G3BP1: variants seen among roughly 807,000 people sequenced by gnomAD.
The protein encoded by G3BP1 is G3BP stress granule assembly factor 1, also known as ras GTPase-activating protein-binding protein 1.
A neutral mutation model predicts 58.6 loss-of-function variants in G3BP1; 35 were observed. The ratio of observed to expected loss-of-function variants is 0.60; its 90% confidence interval spans 0.46 to 0.79. G3BP1 has a LOEUF of 0.79. G3BP1 is among the 30% of genes least tolerant of loss of function. The pLI, the probability that G3BP1 is intolerant of heterozygous loss-of-function variation, is 0.00. For missense variants in G3BP1, 523 were observed against 580.8 expected (o/e 0.90, Z 1.02); for synonymous variants, 191 against 195.4 (o/e 0.98, Z 0.19).
intron 1 of G3BP1, among the ~76,000 whole-genome samples, chr5:151,785,462 TTTTC>T (rs1345184306): frequency 5.9e-5 from 9 of 152,202 alleles, no homozygotes; most frequent in Non-Finnish European, 8.8e-5. Context: ...CAGCTAAAAT[TTTTC>T]TTTCTTTTCT....
At chr5:151,774,757 G>C (rs1762338987) in intron 1 of G3BP1, among the ~76,000 whole-genome samples, 1 of 150,750 alleles carries the variant, frequency 6.6e-6, no homozygotes, top group African/African-American at 2.4e-5. Flanking sequence ...CCAGTAATTT[G>C]TCAAAAGCAA....
At chr5:151,801,924 C>T (rs1241285333) in intron 11 of G3BP1, among the ~76,000 whole-genome samples, 3 of 151,890 alleles carry the variant, frequency 2.0e-5, no homozygotes, top group African/African-American at 7.3e-5. Flanking sequence ...AAGCAGTTCT[C>T]CTGCCTCAAC....
intron 1 of G3BP1, among the ~76,000 whole-genome samples, chr5:151,774,446 G>T (rs1316381713): frequency 6.6e-6 from 1 of 151,824 alleles, no homozygotes; most frequent in Non-Finnish European, 1.5e-5. Context: ...TCGTCCTTAG[G>T]ACTGATGGGG....
Position 151,806,534 on chromosome 5 carries a change from A to G in G3BP1, c.*2443A>G, listed in dbSNP as rs1466126528. The G allele has an allele frequency of 1.3e-5, 2 of 152,324 alleles. No individual in the cohort carries two copies. Among genetic ancestry groups the G allele is most frequent in the East Asian group, 3.9e-4 (2 of 5,176 alleles). 9.4% of individuals were successfully genotyped at this position (152,324 alleles called of 1,614,324 possible). ...ATTGGACCTAAGAAATAGGATTAGC[A>G]TCATGATCAGAACTGTTGAGAATCC... On this transcript the variant is annotated 3_prime_UTR_variant, in exon 12 of 12. Transcript: ENST00000356245.
chr5:151,796,412 G>A (rs1433008363), intron 6 of G3BP1, among the ~76,000 whole-genome samples: 2 of 152,148 alleles, frequency 1.3e-5, no homozygotes, highest in East Asian at 3.9e-4. Flanking sequence ...GGGACTACAG[G>A]CGCACGCCAC....
chr5:151,784,807 T>C (rs991935093), intron 1 of G3BP1, among the ~76,000 whole-genome samples: 23 of 152,176 alleles, frequency 1.5e-4, no homozygotes, highest in Non-Finnish European at 1.5e-5. Context: ...CAATAGATAA[T>C]ATATTTATTT....
chr5:151,784,160 A>G (rs913627925), intron 1 of G3BP1, among the ~76,000 whole-genome samples: 3 of 152,156 alleles, frequency 2.0e-5, no homozygotes, highest in African/African-American at 7.2e-5. Flanking sequence ...CAGTGGCATG[A>G]TGATAGCTCA....
At chr5:151,772,992 GC>G (rs943986001) in intron 1 of G3BP1, among the ~76,000 whole-genome samples, 1 of 152,238 alleles carries the variant, frequency 6.6e-6, no homozygotes, top group African/African-American at 2.4e-5. Context: ...ACTTGTACAG[GC>G]CCTGGGTAGA....
chr5:151,783,317 C>T (rs879758037), intron 1 of G3BP1, among the ~76,000 whole-genome samples: 21 of 152,014 alleles, frequency 1.4e-4, no homozygotes, highest in African/African-American at 4.8e-4. Flanking sequence ...AGAGAGATGA[C>T]AATTTTTTAG....
chr5:151,794,926 A>T (rs913310365), intron 5 of G3BP1, among the ~76,000 whole-genome samples: 1 of 152,228 alleles, frequency 6.6e-6, no homozygotes, highest in Non-Finnish European at 1.5e-5. Context: ...CAGTAAGGTG[A>T]CAGAGCCTGC....
At chr5:151,792,389 A>G (rs867131440) in intron 4 of G3BP1, among the ~76,000 whole-genome samples, 6 of 152,228 alleles carry the variant, frequency 3.9e-5, no homozygotes, top group Non-Finnish European at 8.8e-5. Flanking sequence ...CATGAAGCCA[A>G]TTATAGTCAT....
chr5:151,780,550 G>A lies in G3BP1; in HGVS notation c.-49-6022G>A, dbSNP rs958135815. ...CTAGCTGATGGAGTCTTGCTCATTCGCCTAGGCTGGAGTGCGGTGGTGCGA... is the reference window on the plus strand; with the variant it reads ...CTAGCTGATGGAGTCTTGCTCATTCACCTAGGCTGGAGTGCGGTGGTGCGA... On this transcript the variant is annotated intron_variant, in intron 1 of 11. Coordinates refer to ENST00000356245, the MANE Select transcript of G3BP1 (RefSeq NM_005754.3). Among the ~76,000 whole-genome samples, 4 of 152,148 alleles carry A rather than the reference G, an allele frequency of 2.6e-5. No individual in the cohort carries two copies. In the East Asian group the frequency reaches 5.8e-4, roughly 22 times the overall value.
intron 11 of G3BP1, among the ~76,000 whole-genome samples, chr5:151,801,278 T>C (rs1262937622): frequency 6.6e-6 from 1 of 152,190 alleles, no homozygotes; most frequent in East Asian, 1.9e-4. Flanking sequence ...TAAGAGCTTC[T>C]TCTTTAAGTT....
intron 1 of G3BP1, among the ~76,000 whole-genome samples, chr5:151,785,484 T>C (rs976184038): frequency 1.3e-5 from 2 of 152,236 alleles, no homozygotes; most frequent in African/African-American, 4.8e-5. Context: ...TCTGCGGTAG[T>C]TAAATCTGTA....
chr5:151,795,318 T>TA (rs1381053568), intron 5 of G3BP1, among the ~76,000 whole-genome samples, 161 bp from the exon 6 acceptor site: 2 of 152,202 alleles, frequency 1.3e-5, no homozygotes, highest in African/African-American at 4.8e-5. Flanking sequence ...TTCAAAGCCT[T>TA]AGTTCTGTCC....
intron 4 of G3BP1, chr5:151,791,533 C>T (rs950586096): frequency 6.3e-6 from 1 of 158,138 alleles, no homozygotes. Flanking sequence ...GAAGAGCACA[C>T]TTTTTTTGTA....
At position 151,803,868 on chromosome 5, in the gene G3BP1, C is replaced by T; in HGVS notation, c.1195-17C>T. 1 of 1,568,872 alleles carries T rather than the reference C, an allele frequency of 6.4e-7. No homozygotes were observed. Among genetic ancestry groups the T allele is most frequent in the Non-Finnish European group, 8.8e-7 (1 of 1,139,872 alleles). On this transcript the variant is annotated splice_polypyrimidine_tract_variant and intron_variant, in intron 11 of 11. Transcript: ENST00000356245. ...GCTCATCAGTACTCTTAAGTCTGGT[C>T]ACCTTGATTCTTACAGCCCATCATG...
chr5:151,791,137 TA>T (rs763092132), intron 4 of G3BP1, 75 bp downstream of exon 4: 1 of 1,229,676 alleles, frequency 8.1e-7, no homozygotes. Flanking sequence ...TGCATATCTT[TA>T]AAAACACTTG....
chr5:151,803,992 T>C lies in G3BP1; in HGVS notation c.1302T>C (p.Pro434=). ...ATCGCCTTCGGGGACCTGGAGGCCC[T>C]CGAGGTGGGCTGGGTGGTGGAATGA... The part of the protein sequence containing the change: ...RDNRLRGPGG[P]RGGLGGGMRG... The change falls in exon 12 of 12, where the codon CCT becomes CCC. Residue 434 remains proline, a synonymous_variant. Coordinates refer to ENST00000356245, the MANE Select transcript of G3BP1 (RefSeq NM_005754.3). The C allele has an allele frequency of 6.2e-7, 1 of 1,613,236 alleles. No homozygotes were observed. The highest frequency in any genetic ancestry group is 8.5e-7 in the Non-Finnish European group (1 of 1,179,580).
Sources: allele counts gnomAD v4.1 joint callset (sites outside exome capture counted in the v4.1 genomes callset), GRCh38; gene constraint gnomAD v4.1.1; transcripts MANE v1.5; gene names NCBI Gene and HGNC (gene_info 2026-07-23, HGNC 2026-07-21).